Variants in GLB1 observed in about 807,000 individuals in gnomAD.
The protein encoded by GLB1 is galactosidase beta 1.
In GLB1, 56 loss-of-function variants were observed where a neutral mutation model predicts 74.0. That is an observed-to-expected ratio of 0.76 (90% confidence interval 0.61 to 0.94). The LOEUF is 0.94. Ranked by LOEUF, GLB1 falls within the 40% of genes least tolerant of loss-of-function variation. The probability of loss-of-function intolerance (pLI) is 0.00; values close to 1 mark genes in which losing one functional copy is unlikely to be tolerated. For missense variants in GLB1, 787 were observed against 845.5 expected, an observed-to-expected ratio of 0.93 and a Z score of 0.86; for synonymous variants, 323 against 323.6, an observed-to-expected ratio of 1.00 and a Z score of 0.02.
At chr3:32,981,893 A>G in the GLB1 span, among the ~76,000 whole-genome samples, 5 of 152,072 alleles carry the variant, frequency 3.3e-5, no homozygotes, top group East Asian at 3.8e-4. Flanking sequence ...CTTGGTATTC[A>G]TATGTTTTCA....
At chr3:33,085,296 G>A (rs564523548) in intron 1 of GLB1, among the ~76,000 whole-genome samples, 37 of 137,690 alleles carry the variant, frequency 2.7e-4, no homozygotes, top group East Asian at 1.3e-3. Flanking sequence ...AAAAAAAAGC[G>A]AGAGAGAGAG....
chr3:33,043,727 T>TA (rs780012258), intron 10 of GLB1, among the ~76,000 whole-genome samples: 2 of 127,572 alleles, frequency 1.6e-5, no homozygotes, highest in African/African-American at 2.8e-5. Context: ...GGGACACATG[T>TA]AAACAGAACA....
chr3:33,054,409 C>T (rs1394859791), intron 6 of GLB1, among the ~76,000 whole-genome samples: 1 of 152,106 alleles, frequency 6.6e-6, no homozygotes, highest in Non-Finnish European at 1.5e-5. Context: ...CCTTTCCTGT[C>T]TGCACAAGAG....
At chr3:33,084,722 A>T (rs1268042125) in intron 1 of GLB1, among the ~76,000 whole-genome samples, 3 of 152,186 alleles carry the variant, frequency 2.0e-5, no homozygotes. Flanking sequence ...AAAAAAATAA[A>T]AATTAAATTA....
Position 33,047,003 on chromosome 3 carries a change from T to C in GLB1, c.956-771A>G, listed in dbSNP as rs78748884. On this transcript the variant is annotated intron_variant, in intron 9 of 15. Coordinates refer to ENST00000307363, the MANE Select transcript of GLB1 (RefSeq NM_000404.4). ...TAGCCCACATCCAACAACTGACCAATGTGCCTCGAACAGCCAACCCAGCTG... is the reference window on the plus strand; with the variant it reads ...TAGCCCACATCCAACAACTGACCAACGTGCCTCGAACAGCCAACCCAGCTG... Among the ~76,000 whole-genome samples the C allele has an allele frequency of 8.3e-3, 1,257 of 152,254 alleles. 19 individuals are homozygous for C. The highest frequency in any genetic ancestry group is 0.028 in the African/African-American group (1,162 of 41,544).
chr3:33,095,595 G>A (rs894851545), intron 1 of GLB1, among the ~76,000 whole-genome samples: 6 of 152,156 alleles, frequency 3.9e-5, no homozygotes, highest in Non-Finnish European at 8.8e-5. Context: ...TGGGCCTCAG[G>A]TATGGCAGCC....
At position 33,091,641 on chromosome 3, in the gene GLB1, G is replaced by A. The variant is rs150633243; in HGVS notation, c.75+5370C>T. 1,011 of 984,188 alleles carry A rather than the reference G, an allele frequency of 1.0e-3. 24 individuals carry two copies. The highest frequency in any genetic ancestry group is 0.01 in the East Asian group (90 of 8,796). 61.0% of individuals were successfully genotyped at this position (984,188 alleles called of 1,614,324 possible). A position where few individuals can be genotyped will look rare whatever the true frequency, so the allele number is the denominator to read the frequency against. On this transcript the variant is annotated intron_variant, in intron 1 of 15. Coordinates refer to ENST00000307363, the MANE Select transcript of GLB1 (RefSeq NM_000404.4). Reference sequence around the variant, plus strand: ...GACAAAACAATCTTGAGGTAGATACGATAATTATCCCCATTTTAGGGTTGA... The same window carrying A: ...GACAAAACAATCTTGAGGTAGATACAATAATTATCCCCATTTTAGGGTTGA...
At chr3:33,001,724 A>G (rs1696579320) in intron 15 of GLB1, among the ~76,000 whole-genome samples, 1 of 152,218 alleles carries the variant, frequency 6.6e-6, no homozygotes, top group Non-Finnish European at 1.5e-5. Context: ...AGTAGCACTC[A>G]TGGCTGCTGC....
chr3:33,096,387 AGCCT>A (rs1701028234), intron 1 of GLB1: 1 of 938,970 alleles, frequency 1.1e-6, no homozygotes, highest in Non-Finnish European at 1.3e-6. Flanking sequence ...ATCCCCCGGC[AGCCT>A]GCCTATTCCC....
At chr3:33,021,706 C>G in intron 11 of GLB1, 51 bp from the exon 12 acceptor site, 1 of 1,584,626 alleles carries the variant, frequency 6.3e-7, no homozygotes, top group Non-Finnish European at 8.6e-7. Flanking sequence ...CACTGGTCAT[C>G]AGGTTACAGA....
chr3:32,964,865 A>G, the GLB1 span, among the ~76,000 whole-genome samples: 1 of 152,170 alleles, frequency 6.6e-6, no homozygotes, highest in Non-Finnish European at 1.5e-5. Context: ...AGGTACTTTG[A>G]ATCATGAGGT....
rs199694629 is a variant in GLB1 at position 32,997,295 on chromosome 3, C to G, written c.1784G>C (p.Arg595Pro). ...GFNLGRYWPA[R>P]GPQLTLFVPQ... ...CACAAACAAGGTCAACTGAGGGCCCCGGGCTGGCCAATAGCGGCCAAGGTT... is the reference window on the plus strand; with the variant it reads ...CACAAACAAGGTCAACTGAGGGCCCGGGGCTGGCCAATAGCGGCCAAGGTT... The change falls in exon 16 of 16, where the codon CGG (arginine) becomes CCG (proline). Residue 595 changes from arginine (R) to proline (P), a missense_variant. Physicochemically the swap from Arg to Pro is moderately radical, Grantham distance 103. Coordinates refer to ENST00000307363, the MANE Select transcript of GLB1 (RefSeq NM_000404.4). 1.9e-6 allele frequency: 3 copies of G among 1,613,906 alleles called. No individual in the cohort carries two copies. The highest frequency in any genetic ancestry group is 1.7e-5 in the Admixed American group (1 of 60,002).
chr3:33,003,619 G>C (rs1180452224), intron 15 of GLB1, among the ~76,000 whole-genome samples: 1 of 152,144 alleles, frequency 6.6e-6, no homozygotes, highest in Non-Finnish European at 1.5e-5. Flanking sequence ...CTGCAAATTA[G>C]ACAAAAAAGA....
At chr3:33,002,197 A>C (rs973707155) in intron 15 of GLB1, among the ~76,000 whole-genome samples, 1 of 152,188 alleles carries the variant, frequency 6.6e-6, no homozygotes, top group African/African-American at 2.4e-5. Flanking sequence ...TCACTAAGGC[A>C]ATAATAATAG....
intron 10 of GLB1, among the ~76,000 whole-genome samples, chr3:33,038,761 C>G (rs1266480744): frequency 6.6e-6 from 1 of 152,132 alleles, no homozygotes; most frequent in Non-Finnish European, 1.5e-5. Context: ...GAAAGTGAAC[C>G]AGAAGCGGAC....
intron 15 of GLB1, among the ~76,000 whole-genome samples, chr3:33,012,035 G>A (rs1056893609): frequency 2.6e-5 from 4 of 152,096 alleles, no homozygotes; most frequent in Non-Finnish European, 4.4e-5. Context: ...CTTCCTACTT[G>A]TTTGGTCTCT....
At chr3:33,026,456 C>T (rs72854772) in intron 10 of GLB1, among the ~76,000 whole-genome samples, 14,766 of 152,130 alleles carry the variant, frequency 0.097, 904 homozygotes, top group East Asian at 0.23. Context: ...ACAAACAGCC[C>T]GGGCGCCATG....
the GLB1 span, among the ~76,000 whole-genome samples, chr3:32,963,972 G>C: frequency 2.6e-5 from 4 of 152,188 alleles, no homozygotes; most frequent in African/African-American, 4.8e-5. Context: ...TTGAGCATGC[G>C]GATGTCATCC....
In GLB1 at chr3:33,067,520, A is replaced by G. The variant is rs949570611; in HGVS notation, c.457+710T>C. Among the ~76,000 whole-genome samples the G allele has an allele frequency of 2.0e-5, 3 of 152,072 alleles. No homozygotes were observed. In the East Asian group the frequency reaches 5.8e-4, roughly 29 times the overall value. Reference sequence around the variant, plus strand: ...GGTATCAAACTCCTGGGCTCAAGCAATCCCTCCACTTTGGCCTCCCAAAGT... The same window carrying G: ...GGTATCAAACTCCTGGGCTCAAGCAGTCCCTCCACTTTGGCCTCCCAAAGT... On this transcript the variant is annotated intron_variant, in intron 4 of 15. Transcript: ENST00000307363.
Sources: allele counts gnomAD v4.1 joint callset (sites outside exome capture counted in the v4.1 genomes callset), GRCh38; gene constraint gnomAD v4.1.1; transcripts MANE v1.5; gene names NCBI Gene and HGNC (gene_info 2026-07-23, HGNC 2026-07-21).